LRP6: variants seen among roughly 807,000 people sequenced by gnomAD.
LRP6 encodes the protein LDL receptor related protein 6, also known as low-density lipoprotein receptor-related protein 6.
LRP6 carries 43 observed loss-of-function variants against 184.1 expected under a neutral mutation model. The observed-to-expected ratio is 0.23, with a 90% CI of 0.18 to 0.30. LRP6 has a LOEUF of 0.30. Among genes scored for constraint, LRP6 ranks in the 10% least tolerant of loss-of-function variants. The pLI, the probability that LRP6 is intolerant of heterozygous loss-of-function variation, is 1.00. For synonymous variants in LRP6, 719 were observed against 684.9 expected (o/e 1.05, Z -0.78); for missense variants, 1,571 against 2,005.3 (o/e 0.78, Z 4.14).
chr12:12,141,035 G>T (rs957715105), intron 15 of LRP6, among the ~76,000 whole-genome samples: 1 of 152,048 alleles, frequency 6.6e-6, no homozygotes, highest in African/African-American at 2.4e-5. Context: ...TTTGACAAAG[G>T]TTATCTACAG....
chr12:12,165,028 T>C (rs1387624611), intron 8 of LRP6, 51 bp downstream of exon 8: 1 of 1,363,150 alleles, frequency 7.3e-7, no homozygotes, highest in Non-Finnish European at 1.0e-6. Context: ...ACTATCTCCA[T>C]CTTTTTTCAT....
At chr12:12,225,997 C>G (rs1054464527) in intron 2 of LRP6, among the ~76,000 whole-genome samples, 1 of 152,100 alleles carries the variant, frequency 6.6e-6, no homozygotes, top group African/African-American at 2.4e-5. Flanking sequence ...TACAGCCTAA[C>G]CAACCTGGGG....
At chr12:12,187,744 C>G (rs1863511579) in intron 3 of LRP6, among the ~76,000 whole-genome samples, 1 of 152,182 alleles carries the variant, frequency 6.6e-6, no homozygotes, top group Admixed American at 6.5e-5. Flanking sequence ...GCTGACTTTT[C>G]ACTATATTCA....
chr12:12,191,792 G>A (rs1337207695), intron 3 of LRP6, among the ~76,000 whole-genome samples: 2 of 151,770 alleles, frequency 1.3e-5, no homozygotes, highest in African/African-American at 2.4e-5. Flanking sequence ...CAGAAATGAA[G>A]TCTACGAAAT....
intron 2 of LRP6, among the ~76,000 whole-genome samples, chr12:12,218,823 C>G (rs182943743): frequency 1.3e-4 from 20 of 152,140 alleles, no homozygotes; most frequent in African/African-American, 4.6e-4. Flanking sequence ...AGCAATACCC[C>G]CATCTCTTTA....
intron 7 of LRP6, among the ~76,000 whole-genome samples, chr12:12,169,254 T>TAATAATA (rs1555110252): frequency 6.6e-6 from 1 of 151,322 alleles, no homozygotes. Flanking sequence ...ATAATAATAA[T>TAATAATA]AATAAATAAA....
At chr12:12,244,764 AAAG>A (rs1865144975) in intron 1 of LRP6, 109 bp from the exon 2 acceptor site, 2 of 982,786 alleles carry the variant, frequency 2.0e-6, no homozygotes, top group Non-Finnish European at 3.0e-6. Flanking sequence ...GAAAATAAGA[AAAG>A]AATAAATAAA....
chr12:12,215,133 C>T (rs996513869), intron 2 of LRP6, among the ~76,000 whole-genome samples: 2 of 152,186 alleles, frequency 1.3e-5, no homozygotes, highest in African/African-American at 4.8e-5. Flanking sequence ...ATGACCTAGA[C>T]CAAACCCCTG....
intron 1 of LRP6, among the ~76,000 whole-genome samples, chr12:12,249,732 G>GAAAT (rs1400752964): frequency 1.5e-5 from 2 of 134,770 alleles, no homozygotes; most frequent in East Asian, 2.2e-4. Flanking sequence ...AGGAAGGAAG[G>GAAAT]AAATAAATTA....
intron 1 of LRP6, among the ~76,000 whole-genome samples, chr12:12,266,015 T>G (rs1865747251): frequency 6.6e-6 from 1 of 152,074 alleles, no homozygotes; most frequent in South Asian, 2.1e-4. Context: ...ACTCCGAAAA[T>G]AGGGGCAAGC....
rs780596647 is a variant in LRP6, at chr12:12,203,444, C to T, written c.450-44G>A. ...ATTAAAGCCATGACAGAGCAGATAT[C>T]AATCAAATACTCTGTAATTATTACT... On this transcript the variant is annotated intron_variant, in intron 2 of 22. Transcript: ENST00000261349. 10 of 1,426,322 alleles carry T rather than the reference C, an allele frequency of 7.0e-6. No individual in the cohort carries two copies. In the East Asian group the frequency reaches 9.1e-5, roughly 13 times the overall value. 88.4% of individuals were successfully genotyped at this position (1,426,322 alleles called of 1,614,324 possible).
intron 2 of LRP6, among the ~76,000 whole-genome samples, chr12:12,220,621 CAG>C (rs1377320469): frequency 2.1e-5 from 3 of 141,198 alleles, no homozygotes; most frequent in Non-Finnish European, 4.6e-5. Flanking sequence ...TTTTTTGAGA[CAG>C]GGTCTCACTC....
At position 12,171,343 on chromosome 12, in the gene LRP6, C is replaced by T. The variant is rs961380332; in HGVS notation, c.1546-6048G>A. Among the ~76,000 whole-genome samples the T allele has an allele frequency of 3.9e-5, 6 of 151,998 alleles. No homozygotes were observed. In the East Asian group the frequency reaches 9.7e-4, roughly 25 times the overall value. On this transcript the variant is annotated intron_variant, in intron 7 of 22. Coordinates refer to ENST00000261349, the MANE Select transcript of LRP6 (RefSeq NM_002336.3). ...CATCCTGGCTAACATGGTGAAACTC[C>T]ATCTCTACTAAAAACACACACACAA...
chr12:12,223,120 C>T (rs1864533223), intron 2 of LRP6, among the ~76,000 whole-genome samples: 1 of 141,500 alleles, frequency 7.1e-6, no homozygotes, highest in East Asian at 2.2e-4. Context: ...AAAGATGTTC[C>T]AAGGATTTTA....
In LRP6 at chr12:12,200,187, T is replaced by C. The variant is rs1212597161; in HGVS notation, c.647+3016A>G. On this transcript the variant is annotated intron_variant, in intron 3 of 22. Coordinates refer to ENST00000261349, the MANE Select transcript of LRP6 (RefSeq NM_002336.3). ...TCACATTGAAGTATTCTTCTATCCC[T>C]GCCACAACTTCATTAACAGCATACT... is the stretch of plus-strand genomic sequence containing the variant. Among the ~76,000 whole-genome samples the C allele has an allele frequency of 3.3e-5, 5 of 152,142 alleles. No individual in the cohort carries two copies. The East Asian group carries it at 9.6e-4, about 29-fold the overall frequency.
intron 2 of LRP6, among the ~76,000 whole-genome samples, chr12:12,233,724 G>A (rs1864852006): frequency 6.6e-6 from 1 of 152,152 alleles, no homozygotes; most frequent in Non-Finnish European, 1.5e-5. Flanking sequence ...TAACATTAAA[G>A]AATTGTTCAT....
chr12:12,169,190 T>C (rs573783402), intron 7 of LRP6, among the ~76,000 whole-genome samples: 5 of 151,396 alleles, frequency 3.3e-5, no homozygotes, highest in East Asian at 1.9e-4. Context: ...GATCGCACCA[T>C]TGCACTCCAG....
At chr12:12,156,772 G>A (rs1253271385) in intron 12 of LRP6, among the ~76,000 whole-genome samples, 2 of 152,042 alleles carry the variant, frequency 1.3e-5, no homozygotes, top group East Asian at 1.9e-4. Context: ...ATTCTCTCCC[G>A]CTTTTCCTCT....
At chr12:12,208,863 T>C (rs1267240319) in intron 2 of LRP6, among the ~76,000 whole-genome samples, 1 of 152,188 alleles carries the variant, frequency 6.6e-6, no homozygotes, top group Non-Finnish European at 1.5e-5. Context: ...ATGAACTAGA[T>C]TTCTCCTCAG....
Sources: gnomAD v4.1 joint callset for allele counts (sites outside exome capture counted in the v4.1 genomes callset) on GRCh38, gnomAD v4.1.1 for gene constraint, MANE v1.5 for transcripts, NCBI Gene and HGNC (gene_info 2026-07-23, HGNC 2026-07-21) for gene names.